Variants in ADAP1 observed in about 807,000 individuals in gnomAD.
The protein encoded by ADAP1 is ArfGAP with dual PH domains 1.
A neutral mutation model predicts 54.9 loss-of-function variants in ADAP1; 31 were observed. The ratio of observed to expected loss-of-function variants is 0.56; its 90% CI spans 0.42 to 0.76. ADAP1 has a LOEUF of 0.76. Among genes scored for constraint, ADAP1 ranks in the 30% least tolerant of loss-of-function variants. ADAP1 has a pLI of 0.00. For missense variants in ADAP1, 535 were observed against 512.4 expected, an observed-to-expected ratio of 1.04 and a Z score of -0.42; for synonymous variants, 313 against 202.6, an observed-to-expected ratio of 1.55 and a Z score of -4.63.
At chr7:902,503 C>A (rs1295813214) in intron 6 of ADAP1, among the ~76,000 whole-genome samples, 12 of 94,870 alleles carry the variant, frequency 1.3e-4, no homozygotes, top group African/African-American at 5.0e-4. Context: ...AATAAATACT[C>A]CAAGAACCAA....
chr7:929,764 G>C (rs1364301702), intron 2 of ADAP1, among the ~76,000 whole-genome samples: 1 of 152,030 alleles, frequency 6.6e-6, no homozygotes, highest in East Asian at 1.9e-4. Flanking sequence ...CGCTTTACGG[G>C]AGTGAATTGT....
intron 3 of ADAP1, among the ~76,000 whole-genome samples, chr7:923,791 A>G (rs11768282): frequency 0.35 from 53,599 of 152,142 alleles, 10,324 homozygotes; most frequent in Middle Eastern, 0.51. Flanking sequence ...CCACCCGGAC[A>G]TCTGTGCAGC....
chr7:954,666 G>A lies in ADAP1; in HGVS notation c.-189C>T. The A allele has an allele frequency of 1.0e-6, 1 of 982,348 alleles. No homozygotes were observed. Among genetic ancestry groups the A allele is most frequent in the Non-Finnish European group, 1.2e-6 (1 of 829,222 alleles). 60.9% of individuals were successfully genotyped at this position (982,348 alleles called of 1,614,324 possible). A position where few individuals can be genotyped will look rare whatever the true frequency, so the allele number is the denominator to read the frequency against. ...CCGCCGCCGCTCGTGTCTCCGCCGC[G>A]GTCGCTGAGCGAGTGCCGGCGCGGG... On this transcript the variant is annotated 5_prime_UTR_variant, in exon 1 of 11. Transcript: ENST00000265846.
intron 4 of ADAP1, among the ~76,000 whole-genome samples, chr7:914,030 G>A (rs1223309555): frequency 1.3e-5 from 2 of 152,248 alleles, no homozygotes; most frequent in Non-Finnish European, 2.9e-5. Context: ...CCTCAGCCAT[G>A]GTCCTGGGTG....
intron 4 of ADAP1, among the ~76,000 whole-genome samples, chr7:907,984 G>C (rs1156675342): frequency 6.6e-6 from 1 of 152,024 alleles, no homozygotes; most frequent in Non-Finnish European, 1.5e-5. Flanking sequence ...GCCCTTCCCG[G>C]GGTCGTGGGG....
rs914858111 is a variant in ADAP1 at position 946,778 on chromosome 7, G to A, written c.82+7618C>T. On this transcript the variant is annotated intron_variant, in intron 1 of 10. Transcript: ENST00000265846. This position sits in a 1 kb window ranked among gnomAD's most constrained non-coding sequence, Gnocchi z 4.3. Reference sequence around the variant, plus strand: ...CTGTCAAACCCTATTTTTGGAACTCGATAGAGGTGGTGGTTGAACAGCATG... The same window carrying A: ...CTGTCAAACCCTATTTTTGGAACTCAATAGAGGTGGTGGTTGAACAGCATG... 2.0e-5 allele frequency among the ~76,000 whole-genome samples: 3 copies of A among 152,194 alleles called. No individual in the cohort carries two copies. Among genetic ancestry groups the A allele is most frequent in the Admixed American group, 2.0e-4 (3 of 15,276 alleles).
At chr7:932,520 C>T (rs1432747716) in intron 2 of ADAP1, among the ~76,000 whole-genome samples, 1 of 152,188 alleles carries the variant, frequency 6.6e-6, no homozygotes, top group Non-Finnish European at 1.5e-5. Flanking sequence ...GATGGCAGAG[C>T]AACTTGGAGA....
intron 2 of ADAP1, among the ~76,000 whole-genome samples, chr7:929,751 G>A (rs542857432): frequency 1.1e-4 from 17 of 152,190 alleles, no homozygotes; most frequent in African/African-American, 3.6e-4. Context: ...CTACTGAACT[G>A]TACGCTTTAC....
At chr7:916,949 G>A (rs1006763828) in intron 4 of ADAP1, among the ~76,000 whole-genome samples, 4 of 148,994 alleles carry the variant, frequency 2.7e-5, no homozygotes, top group East Asian at 2.0e-4. Flanking sequence ...GGAGGGGGGC[G>A]CAGTGCCAGC....
chr7:904,330 C>G, intron 5 of ADAP1, 58 bp from the exon 6 acceptor site: 1 of 1,517,730 alleles, frequency 6.6e-7, no homozygotes, highest in East Asian at 2.4e-5. Flanking sequence ...CTCAAGGGAG[C>G]AGGAAGGGCA....
chr7:951,100 C>T (rs575070787), intron 1 of ADAP1, among the ~76,000 whole-genome samples: 1 of 152,086 alleles, frequency 6.6e-6, no homozygotes, highest in Non-Finnish European at 1.5e-5. Flanking sequence ...TCCGGCCAGG[C>T]GCGGTGGCTC....
chr7:915,308 T>C (rs1223039681), intron 4 of ADAP1, among the ~76,000 whole-genome samples: 2 of 152,136 alleles, frequency 1.3e-5, no homozygotes, highest in Admixed American at 6.5e-5. Context: ...CCGTGCCTCA[T>C]GCACACTGTG....
chr7:918,193 A>G (rs1583157622), intron 4 of ADAP1, among the ~76,000 whole-genome samples: 2 of 151,994 alleles, frequency 1.3e-5, no homozygotes, highest in Non-Finnish European at 2.9e-5. Flanking sequence ...AACTGCTGGA[A>G]CCACCGGCGT....
intron 2 of ADAP1, among the ~76,000 whole-genome samples, chr7:929,167 C>A (rs1180908679): frequency 1.3e-5 from 2 of 151,978 alleles, no homozygotes; most frequent in African/African-American, 4.8e-5. Flanking sequence ...TGGTGCACGC[C>A]CGTAATCCCA....
intron 5 of ADAP1, 116 bp from the exon 6 acceptor site, chr7:904,388 G>C (rs1386948423): frequency 7.3e-7 from 1 of 1,362,922 alleles, no homozygotes; most frequent in Non-Finnish European, 9.8e-7. Flanking sequence ...GTGGCTTTGG[G>C]CAAGTTACTT....
chr7:899,283 G>A, intron 9 of ADAP1, 22 bp from the exon 10 acceptor site: 2 of 1,611,826 alleles, frequency 1.2e-6, no homozygotes, highest in Non-Finnish European at 8.5e-7. Context: ...GACCGCACTG[G>A]AGGCGGGGCC....
Position 898,648 on chromosome 7 carries a change from A to ACTC in ADAP1, c.*272_*273insGAG. The ACTC allele has an allele frequency of 1.9e-6, 1 of 519,508 alleles. No homozygotes were observed. Among genetic ancestry groups the ACTC allele is most frequent in the East Asian group, 3.4e-5 (1 of 29,222 alleles). The allele number at this position is 519,508 out of a possible 1,614,324, so 32.2% of individuals were successfully genotyped here. On this transcript the variant is annotated 3_prime_UTR_variant, in exon 11 of 11. Coordinates refer to ENST00000265846, the MANE Select transcript of ADAP1 (RefSeq NM_006869.4). ...GGAGCCAGACTGGGCCCTGGAGGAA[A>ACTC]GGGGGCCCCGGGTCAGGGAGGGGCA...
rs1337766040 is a variant in ADAP1, at chr7:898,018, T to C, written c.*903A>G. On this transcript the variant is annotated 3_prime_UTR_variant, in exon 11 of 11. Transcript: ENST00000265846. ...GTCCAGGGCTCCCCTGGAACACAGC[T>C]CAGCCAGGCAAGGCTGGGAGAGGGC... 6.6e-6 allele frequency: 1 copy of C among 152,168 alleles called. No homozygotes were observed. The highest frequency in any genetic ancestry group is 2.4e-5 in the African/African-American group (1 of 41,432). The allele number at this position is 152,168 out of a possible 1,614,324, so 9.4% of individuals were successfully genotyped here.
intron 1 of ADAP1, among the ~76,000 whole-genome samples, chr7:951,372 C>CA (rs1221252727): frequency 0.16 from 19,904 of 126,322 alleles, 1,613 homozygotes; most frequent in Middle Eastern, 0.26. Context: ...GACTCCGTCT[C>CA]AAAAAAAAAA....
Sources: gnomAD v4.1 joint callset for allele counts (sites outside exome capture counted in the v4.1 genomes callset) on GRCh38, gnomAD v4.1.1 for gene constraint, Gnocchi (gnomAD v3.1) non-coding constraint, MANE v1.5 for transcripts, NCBI Gene and HGNC (gene_info 2026-07-23, HGNC 2026-07-21) for gene names.